PIK3AP1: variants seen among roughly 807,000 people sequenced by gnomAD.
The protein encoded by PIK3AP1 is phosphoinositide-3-kinase adaptor protein 1.
In PIK3AP1, 21 loss-of-function variants were observed where a neutral mutation model predicts 88.1. That is an observed-to-expected ratio of 0.24 (90% CI 0.17 to 0.34). PIK3AP1 has a LOEUF of 0.34. PIK3AP1 is among the 10% of genes least tolerant of loss of function. The probability of loss-of-function intolerance (pLI) is 1.00; values close to 1 mark genes in which losing one functional copy is unlikely to be tolerated. For missense variants in PIK3AP1, 828 were observed against 1,035.7 expected (o/e 0.80, Z 2.75); for synonymous variants, 398 against 400.0 (o/e 1.00, Z 0.06).
At chr10:96,600,811 A>G (rs1049480506) in intron 16 of PIK3AP1, among the ~76,000 whole-genome samples, 3 of 152,234 alleles carry the variant, frequency 2.0e-5, no homozygotes, top group Non-Finnish European at 2.9e-5. Context: ...CCCCATTAAC[A>G]CATGAACATT....
At chr10:96,622,296 C>G (rs1564958622) in intron 11 of PIK3AP1, among the ~76,000 whole-genome samples, 1 of 152,214 alleles carries the variant, frequency 6.6e-6, no homozygotes. Flanking sequence ...GAAGCCAACC[C>G]TCATCTCTCT....
intron 8 of PIK3AP1, among the ~76,000 whole-genome samples, chr10:96,637,358 T>A (rs967367171): frequency 6.7e-5 from 7 of 105,248 alleles, no homozygotes; most frequent in Non-Finnish European, 1.2e-4. Context: ...ACACACACAC[T>A]CTGTGATAGT....
chr10:96,658,562 G>A (rs1843646003), intron 2 of PIK3AP1, among the ~76,000 whole-genome samples: 1 of 152,148 alleles, frequency 6.6e-6, no homozygotes, highest in African/African-American at 2.4e-5. Flanking sequence ...CCAGCAGAGG[G>A]GCCGGGGCTT....
At chr10:96,700,912 G>GA (rs1844289364) in intron 2 of PIK3AP1, 1 of 984,780 alleles carries the variant, frequency 1.0e-6, no homozygotes, top group African/African-American at 1.8e-5. Context: ...GCCAAGGCCA[G>GA]GCTCTGAGCC....
At chr10:96,596,475 T>A (rs961497693) in intron 16 of PIK3AP1, among the ~76,000 whole-genome samples, 2 of 152,172 alleles carry the variant, frequency 1.3e-5, no homozygotes, top group Non-Finnish European at 2.9e-5. Flanking sequence ...GACTTTGCCA[T>A]ACCTACATAA....
intron 1 of PIK3AP1, among the ~76,000 whole-genome samples, chr10:96,712,770 T>G (rs1844454945): frequency 6.6e-6 from 1 of 152,274 alleles, no homozygotes; most frequent in Admixed American, 6.5e-5. Flanking sequence ...ACTTTACATT[T>G]CATTATAACA....
At chr10:96,625,756 T>C (rs1843146902) in intron 10 of PIK3AP1, among the ~76,000 whole-genome samples, 1 of 152,142 alleles carries the variant, frequency 6.6e-6, no homozygotes, top group Non-Finnish European at 1.5e-5. Context: ...AATTCTTATT[T>C]ATTCTTTTTT....
chr10:96,595,960 C>T (rs1008696859), intron 16 of PIK3AP1, among the ~76,000 whole-genome samples: 1 of 152,196 alleles, frequency 6.6e-6, no homozygotes, highest in Non-Finnish European at 1.5e-5. Context: ...CTCACCAATC[C>T]TTTCATTATC....
chr10:96,705,517 T>A (rs1844349802), intron 2 of PIK3AP1, among the ~76,000 whole-genome samples: 1 of 152,014 alleles, frequency 6.6e-6, no homozygotes, highest in Non-Finnish European at 1.5e-5. Flanking sequence ...CTACAATCAA[T>A]AACTCCACAA....
chr10:96,614,715 C>G (rs541995297), intron 13 of PIK3AP1, among the ~76,000 whole-genome samples: 16 of 152,278 alleles, frequency 1.1e-4, no homozygotes, highest in African/African-American at 3.9e-4. Flanking sequence ...TCATAGGTCT[C>G]TGTATTTGGC....
At chr10:96,615,941 C>T (rs1849208411) in intron 13 of PIK3AP1, among the ~76,000 whole-genome samples, 1 of 152,162 alleles carries the variant, frequency 6.6e-6, no homozygotes, top group Non-Finnish European at 1.5e-5. Context: ...ATCTGAGTGC[C>T]TCTGAAAGCC....
At chr10:96,707,952 A>G (rs989496483) in intron 2 of PIK3AP1, among the ~76,000 whole-genome samples, 1 of 152,248 alleles carries the variant, frequency 6.6e-6, no homozygotes, top group Admixed American at 6.5e-5. Flanking sequence ...ATGTTACAAA[A>G]TGAGAAGGAA....
At position 96,628,380 on chromosome 10, in the gene PIK3AP1, C is replaced by A; in HGVS notation, c.1471+18G>T. ...CTCTTTTGCTCTTTTGGCTTCCCTG[C>A]TCATGGCTATGACTTACCTTCTAAA... On this transcript the variant is annotated intron_variant, in intron 9 of 16. Coordinates refer to ENST00000339364, the MANE Select transcript of PIK3AP1 (RefSeq NM_152309.3). 3 of 1,568,958 alleles carry A rather than the reference C, an allele frequency of 1.9e-6. No homozygotes were observed. Among genetic ancestry groups the A allele is most frequent in the South Asian group, 1.1e-5 (1 of 90,096 alleles).
rs751560039 is a variant in PIK3AP1 at position 96,709,787 on chromosome 10, C to G, written c.210G>C (p.Leu70=). 1.4e-5 allele frequency: 23 copies of G among 1,613,376 alleles called. No individual in the cohort carries two copies. The highest frequency in any genetic ancestry group is 1.9e-5 in the Non-Finnish European group (22 of 1,179,560). The change falls in exon 2 of 17, where the codon CTG becomes CTC. Residue 70 remains leucine (L), a synonymous_variant. Coordinates refer to ENST00000339364, the MANE Select transcript of PIK3AP1 (RefSeq NM_152309.3). ...AGTGCTGCACCAGCTCCGCGGACAG[C>G]AGCACCACGACACAGCGGGTGCTGA... is the stretch of plus-strand genomic sequence containing the variant. The part of the protein sequence containing the change: ...LFLSTRCVVV[L]LSAELVQHFH...
intron 7 of PIK3AP1, 136 bp downstream of exon 7, chr10:96,648,523 A>T: frequency 1.1e-6 from 1 of 943,304 alleles, no homozygotes; most frequent in Non-Finnish European, 1.5e-6. Flanking sequence ...TCTTAAGCCC[A>T]CACATACTGC....
intron 2 of PIK3AP1, among the ~76,000 whole-genome samples, chr10:96,694,926 GT>G (rs1468121346): frequency 1.3e-5 from 2 of 152,298 alleles, no homozygotes; most frequent in East Asian, 3.9e-4. Flanking sequence ...GTATGGGCAA[GT>G]TTTAATCACA....
intron 3 of PIK3AP1, among the ~76,000 whole-genome samples, chr10:96,654,186 G>T (rs183055056): frequency 6.6e-6 from 1 of 152,082 alleles, no homozygotes; most frequent in Non-Finnish European, 1.5e-5. Flanking sequence ...CGAGCGCCTC[G>T]AATAGCTCTT....
At chr10:96,676,743 T>C (rs956851098) in intron 2 of PIK3AP1, among the ~76,000 whole-genome samples, 15 of 151,698 alleles carry the variant, frequency 9.9e-5, no homozygotes, top group African/African-American at 3.2e-4. Context: ...TTTTGTTTAA[T>C]AATTAACAGC....
chr10:96,615,180 GT>G (rs1373415344), intron 13 of PIK3AP1, among the ~76,000 whole-genome samples: 1 of 152,152 alleles, frequency 6.6e-6, no homozygotes, highest in Non-Finnish European at 1.5e-5. Flanking sequence ...ATAAATAGGA[GT>G]CCAGGGACTG....
Sources: gnomAD v4.1 joint callset for allele counts (sites outside exome capture counted in the v4.1 genomes callset) on GRCh38, gnomAD v4.1.1 for gene constraint, MANE v1.5 for transcripts, NCBI Gene and HGNC (gene_info 2026-07-23, HGNC 2026-07-21) for gene names.